Variants in TOPBP1 observed in about 807,000 individuals in gnomAD.
TOPBP1 encodes the protein DNA topoisomerase 2-binding protein 1.
A neutral mutation model predicts 167.7 loss-of-function variants in TOPBP1; 28 were observed. The ratio of observed to expected loss-of-function variants is 0.17; its 90% CI spans 0.12 to 0.23. TOPBP1 has a LOEUF of 0.23. TOPBP1 is among the 10% of genes least tolerant of loss of function. TOPBP1 has a pLI of 1.00. For missense variants in TOPBP1, 1,554 were observed against 1,809.6 expected (o/e 0.86, Z 2.56); for synonymous variants, 598 against 611.4 (o/e 0.98, Z 0.32).
In TOPBP1 at chr3:133,644,017, T is replaced by C. The variant is rs1449630121; in HGVS notation, c.1848+3A>G. On this transcript the variant is annotated splice_donor_region_variant and intron_variant, in intron 11 of 27. Coordinates refer to ENST00000260810, the MANE Select transcript of TOPBP1 (RefSeq NM_007027.4). ...TTTATTTCAACCACTAGTGTTGTCT[T>C]ACCAGCCATGTATTTGTAACAACTT... 1 of 1,590,374 alleles carries C rather than the reference T, an allele frequency of 6.3e-7. No homozygotes were observed. Among genetic ancestry groups the C allele is most frequent in the Non-Finnish European group, 8.5e-7 (1 of 1,169,710 alleles).
rs138032222 is a variant in TOPBP1 at position 133,624,505 on chromosome 3, G to C, written c.2805-330C>G. Among the ~76,000 whole-genome samples, 299 of 152,248 alleles carry C rather than the reference G, an allele frequency of 2.0e-3. 1 individual carries two copies. Among genetic ancestry groups the C allele is most frequent in the Middle Eastern group, 3.4e-3 (1 of 294 alleles). On this transcript the variant is annotated intron_variant, in intron 16 of 27. Transcript: ENST00000260810. The stretch of plus-strand genomic sequence containing the variant: ...AAAACAGTTAAAAAAATGATGATAG[G>C]CTCTATCTTTTTGGACAAATTTTAT...
chr3:133,658,127 A>T (rs751567027), intron 3 of TOPBP1, among the ~76,000 whole-genome samples, 186 bp from the exon 4 acceptor site: 2 of 152,232 alleles, frequency 1.3e-5, no homozygotes, highest in Non-Finnish European at 2.9e-5. Flanking sequence ...TACATTAAAC[A>T]CTCACACACA....
At chr3:133,654,512 A>G (rs1406351102) in intron 6 of TOPBP1, among the ~76,000 whole-genome samples, 1 of 152,230 alleles carries the variant, frequency 6.6e-6, no homozygotes, top group African/African-American at 2.4e-5. Flanking sequence ...TCCTATCACA[A>G]TCAGCCATAC....
chr3:133,628,422 T>C lies in TOPBP1; in HGVS notation c.2744A>G (p.Lys915Arg). The C allele has an allele frequency of 6.2e-7, 1 of 1,611,194 alleles. No homozygotes were observed. Among genetic ancestry groups the C allele is most frequent in the African/African-American group, 1.3e-5 (1 of 75,028 alleles). ...TAGTTCACTCTGCTTCTTACTGAGT[T>C]TTTTACTAACACATACCACTACTTT... ...LHKVVVCVSK[K>R]LSKKQSELNG... Residue 915 changes from lysine (K) to arginine (R), a missense_variant, in exon 16 of 28, where the codon AAA becomes AGA. By Grantham distance (26) the Lys-to-Arg change is conservative. Around this residue, in one of 3 missense-constraint regions of TOPBP1, gnomAD observed 1,197 missense variants for 1,351.5 expected, o/e 0.89. Coordinates refer to ENST00000260810, the MANE Select transcript of TOPBP1 (RefSeq NM_007027.4).
intron 19 of TOPBP1, among the ~76,000 whole-genome samples, chr3:133,622,326 A>G (rs1187264971): frequency 5.3e-5 from 8 of 150,564 alleles, no homozygotes; most frequent in Non-Finnish European, 1.2e-4. Flanking sequence ...GAGTAGCTGG[A>G]ATTACAGGCA....
Position 133,601,130 on chromosome 3 carries a change from C to A in TOPBP1, c.*120G>T. On this transcript the variant is annotated 3_prime_UTR_variant, in exon 28 of 28. Transcript: ENST00000260810. ...AAACTCAAGAAGGGTCATCATTATACTCTGAAGCAGAATTCTTCAGGTACT... is the reference window on the plus strand; with the variant it reads ...AAACTCAAGAAGGGTCATCATTATAATCTGAAGCAGAATTCTTCAGGTACT... The A allele has an allele frequency of 1.2e-6, 1 of 809,632 alleles. No individual in the cohort carries two copies. The highest frequency in any genetic ancestry group is 1.9e-6 in the Non-Finnish European group (1 of 522,550). 50.2% of individuals were successfully genotyped at this position (809,632 alleles called of 1,614,324 possible).
rs116427892 is a variant in TOPBP1 at position 133,602,756 on chromosome 3, G to C, written c.4426-1363C>G. Among the ~76,000 whole-genome samples the C allele has an allele frequency of 5.4e-3, 828 of 152,294 alleles. 4 individuals are homozygous for C. The highest frequency in any genetic ancestry group is 0.019 in the African/African-American group (792 of 41,578). ...AATACATAAATGAATGAGTATGGCT[G>C]TTTTCCAACAAACCTTTATTTATAA... is the stretch of plus-strand genomic sequence containing the variant. On this transcript the variant is annotated intron_variant, in intron 27 of 27. Transcript: ENST00000260810.
chr3:133,634,926 T>A (rs189789481), intron 14 of TOPBP1, among the ~76,000 whole-genome samples: 1 of 152,274 alleles, frequency 6.6e-6, no homozygotes, highest in East Asian at 1.9e-4. Context: ...GTGGGGTCTG[T>A]GGGTTGAAAA....
Position 133,644,204 on chromosome 3 carries a change from T to C in TOPBP1, c.1664A>G (p.Gln555Arg), listed in dbSNP as rs1935996758. The part of the protein sequence containing the change: ...STITEEGLFS[Q>R]KSFLVLGFSN... ...AAAACCCAAAACAAGGAAACTCTTT[T>C]GGCTAAATAAGCCTTCTTCAGTAAT... The change falls in exon 11 of 28, where the codon CAA (glutamine) becomes CGA (arginine). Residue 555 changes from glutamine (Q) to arginine (R), a missense_variant. Physicochemically the swap from Gln to Arg is conservative, Grantham distance 43. Coordinates refer to ENST00000260810, the MANE Select transcript of TOPBP1 (RefSeq NM_007027.4). 6.2e-7 allele frequency: 1 copy of C among 1,613,938 alleles called. No homozygotes were observed. Among genetic ancestry groups the C allele is most frequent in the Non-Finnish European group, 8.5e-7 (1 of 1,179,868 alleles).
intron 14 of TOPBP1, among the ~76,000 whole-genome samples, chr3:133,629,096 C>T (rs1935373870): frequency 6.6e-6 from 1 of 150,934 alleles, no homozygotes; most frequent in South Asian, 2.1e-4. Context: ...AAATAAGCAA[C>T]GACGGATATA....
At chr3:133,619,123 A>AC (rs893218121) in intron 20 of TOPBP1, among the ~76,000 whole-genome samples, 1 of 146,410 alleles carries the variant, frequency 6.8e-6, no homozygotes, top group Non-Finnish European at 1.5e-5. Flanking sequence ...AAAAAAAAAA[A>AC]AACAAAAAAC....
intron 2 of TOPBP1, among the ~76,000 whole-genome samples, chr3:133,660,318 TATC>T (rs1395934696): frequency 6.6e-6 from 1 of 152,242 alleles, no homozygotes; most frequent in East Asian, 1.9e-4. Flanking sequence ...CTTCCTAATT[TATC>T]ATGTCTGATT....
chr3:133,621,899 C>T (rs772850471), intron 19 of TOPBP1, among the ~76,000 whole-genome samples: 5 of 151,832 alleles, frequency 3.3e-5, no homozygotes, highest in Non-Finnish European at 7.4e-5. Context: ...GTAGAAATAA[C>T]CTAAATGCCT....
intron 27 of TOPBP1, among the ~76,000 whole-genome samples, chr3:133,605,198 CAAA>C (rs76623187): frequency 1.9e-5 from 2 of 104,602 alleles, no homozygotes. Flanking sequence ...GACCGTGTCT[CAAA>C]AAAAAAAAAA....
At chr3:133,604,942 A>G (rs1934440877) in intron 27 of TOPBP1, among the ~76,000 whole-genome samples, 1 of 151,830 alleles carries the variant, frequency 6.6e-6, no homozygotes, top group African/African-American at 2.4e-5. Context: ...CAAAAAAAGA[A>G]AACTCCAGTC....
chr3:133,643,813 C>G (rs1935980547), intron 11 of TOPBP1, among the ~76,000 whole-genome samples: 1 of 152,058 alleles, frequency 6.6e-6, no homozygotes, highest in Non-Finnish European at 1.5e-5. Flanking sequence ...TGCTGTGGCC[C>G]TGGGAAACAG....
intron 2 of TOPBP1, among the ~76,000 whole-genome samples, chr3:133,659,785 G>GAC: frequency 6.6e-6 from 1 of 151,428 alleles, no homozygotes; most frequent in East Asian, 1.9e-4. Flanking sequence ...TATAGTTTTT[G>GAC]TCTCTCTCCC....
chr3:133,608,460 T>G (rs1225372478), intron 27 of TOPBP1, 75 bp downstream of exon 27: 4 of 1,510,936 alleles, frequency 2.6e-6, no homozygotes, highest in Middle Eastern at 1.8e-4. Flanking sequence ...CTGAAGGTTT[T>G]GTTGTGCAGT....
intron 27 of TOPBP1, among the ~76,000 whole-genome samples, chr3:133,606,526 A>G (rs2107767975): frequency 6.7e-6 from 1 of 149,594 alleles, no homozygotes; most frequent in East Asian, 1.9e-4. Context: ...GTAGAAACTA[A>G]CAAGCTGAGT....
Sources: allele counts gnomAD v4.1 joint callset (sites outside exome capture counted in the v4.1 genomes callset), GRCh38; gene constraint gnomAD v4.1.1; regional missense constraint gnomAD v4.1.1; transcripts MANE v1.5; gene names NCBI Gene and HGNC (gene_info 2026-07-23, HGNC 2026-07-21).